The following MBNL1 variants were observed in gnomAD, a reference collection of about 807,000 sequenced individuals.
MBNL1 encodes the protein muscleblind-like protein 1.
MBNL1 carries 8 observed loss-of-function variants against 42.2 expected under a neutral mutation model. The ratio of observed to expected loss-of-function variants is 0.19; its 90% CI spans 0.11 to 0.34. MBNL1 has a LOEUF of 0.34. Among genes scored for constraint, MBNL1 ranks in the 10% least tolerant of loss-of-function variants. MBNL1 has a pLI of 1.00. For synonymous variants in MBNL1, 169 were observed against 173.9 expected, an observed-to-expected ratio of 0.97 and a Z score of 0.22; for missense variants, 309 against 495.3, an observed-to-expected ratio of 0.62 and a Z score of 3.57.
chr3:152,328,273 A>G (rs2081740548), intron 2 of MBNL1, among the ~76,000 whole-genome samples: 1 of 152,172 alleles, frequency 6.6e-6, no homozygotes, highest in South Asian at 2.1e-4. Context: ...TCTCCAAAGG[A>G]TCCTGTGACT....
intron 1 of MBNL1, among the ~76,000 whole-genome samples, chr3:152,294,326 C>G: frequency 6.7e-6 from 1 of 149,594 alleles, no homozygotes; most frequent in African/African-American, 2.5e-5. Context: ...CTCGGTCACC[C>G]AGGCTGGAGT....
intron 2 of MBNL1, chr3:152,340,154 C>T (rs998468774): frequency 3.5e-5 from 6 of 171,194 alleles, no homozygotes; most frequent in African/African-American, 1.2e-4. Flanking sequence ...GATAAAGAAA[C>T]GAACAACAAC....
chr3:152,440,187 A>G (rs1260904214), intron 4 of MBNL1, among the ~76,000 whole-genome samples: 1 of 152,252 alleles, frequency 6.6e-6, no homozygotes, highest in African/African-American at 2.4e-5. Flanking sequence ...CCTAACAGAA[A>G]TACTATGAGG....
At chr3:152,407,549 G>A (rs2098462906) in intron 2 of MBNL1, among the ~76,000 whole-genome samples, 1 of 152,034 alleles carries the variant, frequency 6.6e-6, no homozygotes, top group Non-Finnish European at 1.5e-5. Flanking sequence ...ATAGTTTCTT[G>A]CCTTTAAAGA....
chr3:152,465,215 GAA>G lies in MBNL1; in HGVS notation c.*2851_*2852del, dbSNP rs1481370879. On this transcript the variant is annotated 3_prime_UTR_variant, in exon 10 of 10. Coordinates refer to ENST00000324210, the MANE Select transcript of MBNL1 (RefSeq NM_021038.5). ...TTTAAAACTTCAACAAAAAAAGAGA[GAA>G]AGAACTATACTAAGAACATATATTA... 1 of 152,050 alleles carries G rather than the reference GAA, an allele frequency of 6.6e-6. No individual in the cohort carries two copies. The highest frequency in any genetic ancestry group is 6.6e-5 in the Admixed American group (1 of 15,258). 9.4% of individuals were successfully genotyped at this position (152,050 alleles called of 1,614,324 possible).
intron 3 of MBNL1, among the ~76,000 whole-genome samples, chr3:152,419,567 G>T (rs547708750): frequency 1.3e-5 from 2 of 152,284 alleles, no homozygotes; most frequent in South Asian, 2.1e-4. Flanking sequence ...TTTTCCCATG[G>T]TCTTCGCAAA....
chr3:152,446,282 G>A (rs887534116), intron 5 of MBNL1, among the ~76,000 whole-genome samples: 5 of 151,906 alleles, frequency 3.3e-5, no homozygotes, highest in Non-Finnish European at 7.4e-5. Flanking sequence ...ATAAATATAT[G>A]ACTTAAATCA....
At chr3:152,391,129 C>CTA (rs1281833600) in intron 2 of MBNL1, among the ~76,000 whole-genome samples, 5 of 152,190 alleles carry the variant, frequency 3.3e-5, no homozygotes, top group Non-Finnish European at 7.3e-5. Flanking sequence ...GGATTAAGTG[C>CTA]TATGTACAAG....
At chr3:152,354,559 TA>T (rs2095366148) in intron 2 of MBNL1, among the ~76,000 whole-genome samples, 1 of 152,140 alleles carries the variant, frequency 6.6e-6, no homozygotes, top group Non-Finnish European at 1.5e-5. Flanking sequence ...TCTTCATTTT[TA>T]AAAATAATAA....
intron 1 of MBNL1, among the ~76,000 whole-genome samples, chr3:152,286,941 C>T (rs375563892): frequency 1.6e-4 from 24 of 152,094 alleles, no homozygotes; most frequent in South Asian, 2.1e-4. Flanking sequence ...ATATGGTGGC[C>T]GGGCGTGGTG....
intron 2 of MBNL1, among the ~76,000 whole-genome samples, chr3:152,391,484 GACC>G (rs1046778907): frequency 6.6e-6 from 1 of 151,616 alleles, no homozygotes; most frequent in African/African-American, 2.4e-5. Flanking sequence ...TCCTCCTTTT[GACC>G]TTGTTATTTG....
At chr3:152,323,202 C>T (rs1330120177) in intron 2 of MBNL1, among the ~76,000 whole-genome samples, 2 of 151,944 alleles carry the variant, frequency 1.3e-5, no homozygotes, top group East Asian at 1.9e-4. Flanking sequence ...ACTCATTGGA[C>T]ATTATTTTTA....
intron 2 of MBNL1, among the ~76,000 whole-genome samples, chr3:152,395,615 G>A (rs201080610): frequency 3.3e-5 from 5 of 152,170 alleles, no homozygotes; most frequent in Non-Finnish European, 5.9e-5. Context: ...TCTTCACTAA[G>A]GAGTGTCTTC....
chr3:152,297,280 A>T (rs1309704893), intron 1 of MBNL1, among the ~76,000 whole-genome samples: 4 of 147,612 alleles, frequency 2.7e-5, no homozygotes, highest in African/African-American at 7.5e-5. Flanking sequence ...TTTTTATAGA[A>T]ACTGGCATTA....
intron 1 of MBNL1, among the ~76,000 whole-genome samples, chr3:152,274,433 A>T (rs1315537651): frequency 2.0e-5 from 3 of 152,122 alleles, no homozygotes; most frequent in African/African-American, 7.2e-5. Flanking sequence ...AAATAACTAT[A>T]AAGTAGAAAG....
intron 1 of MBNL1, among the ~76,000 whole-genome samples, chr3:152,282,286 C>G (rs755520017): frequency 8.6e-5 from 13 of 151,998 alleles, no homozygotes; most frequent in Middle Eastern, 3.2e-3. Context: ...TGTCAGTGAC[C>G]TGATATCAAT....
chr3:152,325,982 C>A (rs1246881037), intron 2 of MBNL1, among the ~76,000 whole-genome samples: 2 of 152,104 alleles, frequency 1.3e-5, no homozygotes, highest in African/African-American at 4.8e-5. Context: ...TGTTACCTTT[C>A]ACACTCCTTT....
At chr3:152,278,527 C>G (rs2046578009) in intron 1 of MBNL1, among the ~76,000 whole-genome samples, 1 of 152,106 alleles carries the variant, frequency 6.6e-6, no homozygotes, top group African/African-American at 2.4e-5. Flanking sequence ...ATAATGCTTT[C>G]TGGGGGACCA....
At chr3:152,405,673 G>A (rs1304485511) in intron 2 of MBNL1, among the ~76,000 whole-genome samples, 1 of 152,110 alleles carries the variant, frequency 6.6e-6, no homozygotes, top group African/African-American at 2.4e-5. Flanking sequence ...GTTTACCTCT[G>A]TTTTATCCCC....
Sources: gnomAD v4.1 joint callset for allele counts (sites outside exome capture counted in the v4.1 genomes callset) on GRCh38, gnomAD v4.1.1 for gene constraint, MANE v1.5 for transcripts, NCBI Gene and HGNC (gene_info 2026-07-23, HGNC 2026-07-21) for gene names.